The following EVI5 variants were observed in gnomAD, a reference collection of about 807,000 sequenced individuals.
EVI5 encodes the protein ecotropic viral integration site 5 protein homolog.
EVI5 carries 73 observed loss-of-function variants against 112.0 expected under a neutral mutation model. The observed-to-expected ratio is 0.65, with a 90% CI of 0.54 to 0.79. EVI5 has a LOEUF of 0.79. Among genes scored for constraint, EVI5 ranks in the 30% least tolerant of loss-of-function variants. The pLI is 0.00. For missense variants in EVI5, 900 were observed against 968.8 expected, an observed-to-expected ratio of 0.93 and a Z score of 0.94; for synonymous variants, 305 against 319.9, an observed-to-expected ratio of 0.95 and a Z score of 0.50.
At chr1:92,578,716 T>TAA (rs71586756) in intron 18 of EVI5, among the ~76,000 whole-genome samples, 1 of 121,610 alleles carries the variant, frequency 8.2e-6, no homozygotes, top group Non-Finnish European at 1.7e-5. Context: ...AGACTCTGTC[T>TAA]AAAAAAAAAA....
At chr1:92,708,354 A>G (rs1385868094) in intron 2 of EVI5, among the ~76,000 whole-genome samples, 1 of 152,192 alleles carries the variant, frequency 6.6e-6, no homozygotes, top group East Asian at 1.9e-4. Flanking sequence ...AAAACGGCCA[A>G]TAAATACATA....
intron 2 of EVI5, among the ~76,000 whole-genome samples, chr1:92,705,563 C>G (rs1005909075): frequency 2.0e-5 from 3 of 152,258 alleles, no homozygotes; most frequent in African/African-American, 2.4e-5. Flanking sequence ...AAACTGGGAC[C>G]TCCTCACTCA....
At chr1:92,785,342 T>G (rs952038000), upstream of EVI5, among the ~76,000 whole-genome samples, 6 of 152,116 alleles carry the variant, frequency 3.9e-5, no homozygotes, top group African/African-American at 1.2e-4. Context: ...CCTTCCATGT[T>G]AAAACGGTAG....
intron 19 of EVI5, among the ~76,000 whole-genome samples, chr1:92,545,660 T>C (rs775949382): frequency 1.4e-4 from 22 of 152,194 alleles, no homozygotes; most frequent in Non-Finnish European, 2.8e-4. Flanking sequence ...TTATATTTTA[T>C]AGATTTCCTC....
At chr1:92,600,569 T>C (rs1027404034) in intron 18 of EVI5, among the ~76,000 whole-genome samples, 1 of 152,170 alleles carries the variant, frequency 6.6e-6, no homozygotes, top group African/African-American at 2.4e-5. Context: ...ACAGATTTCG[T>C]AGTCCATAGA....
intron 5 of EVI5, among the ~76,000 whole-genome samples, chr1:92,698,397 G>A (rs545103225): frequency 8.5e-5 from 13 of 152,312 alleles, no homozygotes; most frequent in African/African-American, 3.1e-4. Context: ...GGTGATGGAT[G>A]CTACAGAAAT....
chr1:92,771,451 G>GCA (rs1380268449), intron 1 of EVI5, among the ~76,000 whole-genome samples: 3 of 151,760 alleles, frequency 2.0e-5, no homozygotes, highest in Admixed American at 1.3e-4. Context: ...CCAACATCCA[G>GCA]CAGCCTATAA....
chr1:92,560,753 T>C (rs1285493064), intron 19 of EVI5, among the ~76,000 whole-genome samples: 2 of 152,026 alleles, frequency 1.3e-5, no homozygotes, highest in African/African-American at 2.4e-5. Context: ...TTAATAGAGA[T>C]GGGGTCTCCC....
At chr1:92,652,148 T>C (rs1250419432) in intron 13 of EVI5, among the ~76,000 whole-genome samples, 1 of 152,224 alleles carries the variant, frequency 6.6e-6, no homozygotes, top group Non-Finnish European at 1.5e-5. Flanking sequence ...ATACATACTA[T>C]GGAATTTTAT....
rs80355191 is a variant in EVI5, at chr1:92,561,608, C to CCTATCTATCTAT, written c.2166+2022_2166+2033dup. The stretch of plus-strand genomic sequence containing the variant: ...CTATCTATCTATCTATCTAATCTAT[C>CCTATCTATCTAT]CTATCTATCTATCTATCTATCTATC... On this transcript the variant is annotated intron_variant, in intron 19 of 19. Transcript: ENST00000684568. 2.7e-3 allele frequency among the ~76,000 whole-genome samples: 356 copies of CCTATCTATCTAT among 132,224 alleles called. 2 individuals are homozygous for CCTATCTATCTAT. The highest frequency in any genetic ancestry group is 0.011 in the Middle Eastern group (3 of 278). 86.7% of individuals were successfully genotyped at this position (132,224 alleles called of 152,430 possible). A position where few individuals can be genotyped will look rare whatever the true frequency, so the allele number is the denominator to read the frequency against.
rs773804312 is a variant in EVI5 at position 92,694,369 on chromosome 1, C to T, written c.929G>A (p.Arg310His). 8.1e-6 allele frequency: 13 copies of T among 1,598,222 alleles called. No individual in the cohort carries two copies. Among genetic ancestry groups the T allele is most frequent in the Middle Eastern group, 1.7e-4 (1 of 6,030 alleles). Residue 310 changes from arginine to histidine, a missense_variant, in exon 8 of 20, where the codon CGT (arginine) becomes CAT (histidine). Transcript: ENST00000684568. ...FMSEGLEIVFRVGLALLQMNQ... is the reference protein window; with the variant it reads ...FMSEGLEIVFHVGLALLQMNQ... The stretch of plus-strand genomic sequence containing the variant: ...CATCTGAAGAAGTGCTAATCCTACA[C>T]GAAACACTATTTCTAAACCCTGAGG...
intron 1 of EVI5, among the ~76,000 whole-genome samples, chr1:92,779,956 A>G (rs1048820906): frequency 1.3e-5 from 2 of 152,076 alleles, no homozygotes; most frequent in African/African-American, 4.8e-5. Context: ...CTATCTCATA[A>G]ATTTATTTTC....
At chr1:92,589,225 G>A (rs1383296802) in intron 18 of EVI5, among the ~76,000 whole-genome samples, 1 of 152,188 alleles carries the variant, frequency 6.6e-6, no homozygotes, top group Non-Finnish European at 1.5e-5. Flanking sequence ...ATTTCCAACT[G>A]AGGTACTGCG....
intron 1 of EVI5, among the ~76,000 whole-genome samples, chr1:92,760,502 C>T (rs1335702073): frequency 5.3e-5 from 8 of 151,948 alleles, no homozygotes; most frequent in Admixed American, 1.3e-4. Flanking sequence ...GAGGCTGAGG[C>T]GGGAGGATCA....
chr1:92,749,808 C>T (rs746302830), intron 1 of EVI5, among the ~76,000 whole-genome samples: 3 of 152,172 alleles, frequency 2.0e-5, no homozygotes, highest in Non-Finnish European at 4.4e-5. Flanking sequence ...AACCTTATCA[C>T]ACATAATCTA....
chr1:92,745,981 A>T (rs961297921), intron 1 of EVI5, among the ~76,000 whole-genome samples: 2 of 152,216 alleles, frequency 1.3e-5, no homozygotes, highest in Non-Finnish European at 2.9e-5. Context: ...AGAGCAACCT[A>T]ACTTAGTTGG....
In EVI5 at chr1:92,605,319, C is replaced by T. The variant is rs1557883402; in HGVS notation, c.2058G>A (p.Glu686=). ...AVAELRQHIA[E]LEIQKEEGKL... ...TTTCATATGGTACCTGGATTTCAAG[C>T]TCAGCAATGTGTTGTCGTAGTTCAG... Residue 686 remains glutamate, a synonymous_variant, in exon 18 of 20, where the codon GAG becomes GAA. Coordinates refer to ENST00000684568, the MANE Select transcript of EVI5 (RefSeq NM_001350197.2). 1.2e-6 allele frequency: 2 copies of T among 1,609,008 alleles called. No individual in the cohort carries two copies. Among genetic ancestry groups the T allele is most frequent in the Non-Finnish European group, 8.5e-7 (1 of 1,175,666 alleles).
intron 17 of EVI5, among the ~76,000 whole-genome samples, chr1:92,605,697 T>G (rs1650229483): frequency 1.3e-5 from 2 of 152,238 alleles, no homozygotes; most frequent in Admixed American, 6.5e-5. Flanking sequence ...TAGAGTGTTT[T>G]GCATTTTGAA....
At chr1:92,752,427 G>C (rs1037086087) in intron 1 of EVI5, among the ~76,000 whole-genome samples, 1 of 151,996 alleles carries the variant, frequency 6.6e-6, no homozygotes, top group Non-Finnish European at 1.5e-5. Flanking sequence ...TGCCCGCCTC[G>C]ACCTCCCAAA....
Sources: gnomAD v4.1 joint callset for allele counts (sites outside exome capture counted in the v4.1 genomes callset) on GRCh38, gnomAD v4.1.1 for gene constraint, MANE v1.5 for transcripts, NCBI Gene and HGNC (gene_info 2026-07-23, HGNC 2026-07-21) for gene names.